The following PIEZO2 variants were observed in gnomAD, a reference collection of about 807,000 sequenced individuals.
PIEZO2 encodes piezo type mechanosensitive ion channel component 2, also known as piezo-type mechanosensitive ion channel component 2.
Under a neutral mutation model 337.3 loss-of-function variants are expected in PIEZO2, and 172 were observed. The observed-to-expected ratio is 0.51, with a 90% CI of 0.45 to 0.58. PIEZO2 has a LOEUF of 0.58. Ranked by LOEUF, PIEZO2 falls within the 20% of genes least tolerant of loss-of-function variation. The pLI is 0.00. For synonymous variants in PIEZO2, 1,251 were observed against 1,228.5 expected (o/e 1.02, Z -0.38); for missense variants, 3,028 against 3,391.3 (o/e 0.89, Z 2.66).
chr18:11,140,821 G>A (rs2040623037), intron 1 of PIEZO2, among the ~76,000 whole-genome samples: 1 of 152,216 alleles, frequency 6.6e-6, no homozygotes, highest in Admixed American at 6.5e-5. Context: ...AGTACGGTAG[G>A]TGGAGAAGAT....
Position 10,899,401 on chromosome 18 carries a change from A to T in PIEZO2, c.329+11785T>A, listed in dbSNP as rs2042986247. On this transcript the variant is annotated intron_variant, in intron 4 of 55. Transcript: ENST00000674853. The surrounding 1 kb of genome is among the most constrained non-coding windows in gnomAD (Gnocchi z 4.6). ...CCAAAGATTTGGATGGAAAACTCAA[A>T]CACTTCCTATGAAATCCACCTAATA... Among the ~76,000 whole-genome samples, 1 of 152,186 alleles carries T rather than the reference A, an allele frequency of 6.6e-6. No homozygotes were observed. The highest frequency in any genetic ancestry group is 2.1e-4 in the South Asian group (1 of 4,826).
chr18:10,898,329 G>A (rs1425955599), intron 4 of PIEZO2, among the ~76,000 whole-genome samples: 1 of 152,134 alleles, frequency 6.6e-6, no homozygotes, highest in Admixed American at 6.6e-5. Flanking sequence ...GCTGAGGGGG[G>A]AGAATGGCGT....
intron 1 of PIEZO2, among the ~76,000 whole-genome samples, chr18:11,090,511 A>G (rs2039043356): frequency 6.6e-6 from 1 of 152,216 alleles, no homozygotes; most frequent in Non-Finnish European, 1.5e-5. Context: ...CCTATTTCCA[A>G]CCTGAAAGGG....
chr18:10,726,633 C>CT lies in PIEZO2; in HGVS notation c.5029+4773dup. 1 of 1,391,854 alleles carries CT rather than the reference C, an allele frequency of 7.2e-7. No individual in the cohort carries two copies. Among genetic ancestry groups the CT allele is most frequent in the East Asian group, 2.5e-5 (1 of 40,122 alleles). The allele number at this position is 1,391,854 out of a possible 1,614,324, so 86.2% of individuals were successfully genotyped here. ...GGGACGCCGACGTGCGCTGGGAGTA[C>CT]TGCGCGCGCGCCAAGCGCGGCCAGA... On this transcript the variant is annotated intron_variant, in intron 36 of 55. Transcript: ENST00000674853. The surrounding 1 kb of genome is among the most constrained non-coding windows in gnomAD (Gnocchi z 5.9).
At chr18:10,906,133 GA>G (rs1297798667) in intron 4 of PIEZO2, among the ~76,000 whole-genome samples, 1 of 151,472 alleles carries the variant, frequency 6.6e-6, no homozygotes, top group Non-Finnish European at 1.5e-5. Context: ...TACACTGAAG[GA>G]AAAAAAACTA....
At chr18:10,917,023 C>T (rs1286607992) in intron 3 of PIEZO2, among the ~76,000 whole-genome samples, 2 of 152,094 alleles carry the variant, frequency 1.3e-5, no homozygotes, top group South Asian at 2.1e-4. Context: ...ATCAAACTTC[C>T]TTGCACACGA....
intron 3 of PIEZO2, among the ~76,000 whole-genome samples, chr18:10,978,759 T>A (rs949976720): frequency 6.6e-6 from 1 of 152,180 alleles, no homozygotes; most frequent in Non-Finnish European, 1.5e-5. Flanking sequence ...ACTGACAAGT[T>A]AAAACTGTTA....
chr18:10,721,674 G>A (rs181185637), intron 36 of PIEZO2, among the ~76,000 whole-genome samples: 1 of 151,984 alleles, frequency 6.6e-6, no homozygotes, highest in Non-Finnish European at 1.5e-5. Context: ...GACTCAAAGC[G>A]AGACAATACA....
At chr18:11,036,437 C>T (rs940599013) in intron 2 of PIEZO2, among the ~76,000 whole-genome samples, 5 of 152,248 alleles carry the variant, frequency 3.3e-5, no homozygotes, top group East Asian at 1.9e-4. Context: ...CCACCTCCCC[C>T]GGTAAAGCTG....
Position 11,018,434 on chromosome 18 carries a change from T to TGTGTGTGTGTGTGTGTG in PIEZO2, c.161-38775_161-38774insCACACACACACACACAC, listed in dbSNP as rs1215513468. On this transcript the variant is annotated intron_variant, in intron 2 of 55. Transcript: ENST00000674853. ...GTGTGTGTGTGTGTGTGTGTGTGTG[T>TGTGTGTGTGTGTGTGTG]TGAAATAAAGGAAGAACATGAGCTT... 4.0e-5 allele frequency among the ~76,000 whole-genome samples: 5 copies of TGTGTGTGTGTGTGTGTG among 124,994 alleles called. No homozygotes were observed. The East Asian group carries it at 7.0e-4, about 17-fold the overall frequency. The allele number at this position is 124,994 out of a possible 152,430, so 82.0% of individuals were successfully genotyped here.
chr18:11,019,521 T>G (rs2036237883), intron 2 of PIEZO2, among the ~76,000 whole-genome samples: 2 of 152,284 alleles, frequency 1.3e-5, no homozygotes, highest in South Asian at 4.1e-4. Context: ...TTTTTCCCCC[T>G]TTATGTTTGC....
chr18:11,076,029 A>G lies in PIEZO2; in HGVS notation c.65-9807T>C, dbSNP rs183707243. ...CCTGGATCTCCTGACCTTGTGAGCC[A>G]CCCACCTCGGCCTCCCAAAGTGCTG... On this transcript the variant is annotated intron_variant, in intron 1 of 55. Coordinates refer to ENST00000674853, the MANE Select transcript of PIEZO2 (RefSeq NM_001378183.1). Among the ~76,000 whole-genome samples, 379 of 152,142 alleles carry G rather than the reference A, an allele frequency of 2.5e-3. 3 individuals carry two copies. Among genetic ancestry groups the G allele is most frequent in the African/African-American group, 8.7e-3 (362 of 41,516 alleles).
chr18:10,791,256 T>C lies in PIEZO2; in HGVS notation c.1827A>G (p.Glu609=), dbSNP rs2039401826. The change falls in exon 14 of 56, where the codon GAA becomes GAG. Residue 609 remains glutamate, a synonymous_variant. Transcript: ENST00000674853. ...TGACTTCCGATAAAAGAGCTTCCTT[T>C]TCTTGCAGAGCTTTTTGCTCTGTGA... ...QHLTEQKALQ[E]KEALLSEVKI... 3 of 1,536,374 alleles carry C rather than the reference T, an allele frequency of 2.0e-6. No individual in the cohort carries two copies. The highest frequency in any genetic ancestry group is 1.7e-6 in the Non-Finnish European group (2 of 1,146,476).
intron 2 of PIEZO2, among the ~76,000 whole-genome samples, chr18:10,992,755 A>G (rs2035158014): frequency 6.6e-6 from 1 of 152,122 alleles, no homozygotes; most frequent in Admixed American, 6.5e-5. Flanking sequence ...TTTTTTTCCA[A>G]TTCTGTGAAG....
chr18:10,865,610 G>C (rs537653499), intron 5 of PIEZO2, among the ~76,000 whole-genome samples: 2 of 152,202 alleles, frequency 1.3e-5, no homozygotes, highest in Non-Finnish European at 2.9e-5. Context: ...TGGGAAGAAG[G>C]AGTGGAGGTA....
At chr18:11,106,416 C>T (rs1193040858) in intron 1 of PIEZO2, among the ~76,000 whole-genome samples, 9 of 134,580 alleles carry the variant, frequency 6.7e-5, no homozygotes, top group African/African-American at 2.4e-4. Flanking sequence ...TCTTTCCTCT[C>T]TCTTTTTTTT....
intron 3 of PIEZO2, among the ~76,000 whole-genome samples, chr18:10,925,562 G>T (rs2031676901): frequency 6.6e-6 from 1 of 152,040 alleles, no homozygotes; most frequent in Non-Finnish European, 1.5e-5. Context: ...AAATGCAAGG[G>T]TTTATACAAA....
At chr18:10,999,887 G>T (rs2035469424) in intron 2 of PIEZO2, among the ~76,000 whole-genome samples, 3 of 152,144 alleles carry the variant, frequency 2.0e-5, no homozygotes, top group Non-Finnish European at 2.9e-5. Context: ...CCTATGAGCT[G>T]GGAAGAATGT....
intron 2 of PIEZO2, among the ~76,000 whole-genome samples, chr18:11,010,142 C>T (rs1035448918): frequency 5.3e-5 from 8 of 152,142 alleles, no homozygotes; most frequent in African/African-American, 1.9e-4. Flanking sequence ...TTTCAAAATT[C>T]TGTGTATCTT....
Sources: gnomAD v4.1 joint callset for allele counts (sites outside exome capture counted in the v4.1 genomes callset) on GRCh38, gnomAD v4.1.1 for gene constraint, Gnocchi (gnomAD v3.1) non-coding constraint, MANE v1.5 for transcripts, NCBI Gene and HGNC (gene_info 2026-07-23, HGNC 2026-07-21) for gene names.